BCO1: variants seen among roughly 807,000 people sequenced by gnomAD.
The protein encoded by BCO1 is beta-carotene oxygenase 1, also known as beta,beta-carotene 15,15'-dioxygenase.
In BCO1, 54 loss-of-function variants were observed where a neutral mutation model predicts 56.3. The observed-to-expected ratio is 0.96, with a 90% CI of 0.77 to 1.20. The LOEUF is 1.20. BCO1 is among the 50% of genes most tolerant of loss of function. The pLI is 0.00. For missense variants in BCO1, 801 were observed against 690.9 expected (o/e 1.16, Z -1.79); for synonymous variants, 318 against 266.1 (o/e 1.20, Z -1.90).
chr16:81,289,971 C>T (rs1908373152), intron 10 of BCO1, among the ~76,000 whole-genome samples: 2 of 152,214 alleles, frequency 1.3e-5, no homozygotes, highest in South Asian at 2.1e-4. Context: ...TCAAGTAATT[C>T]TCTGGCTTCA....
intron 3 of BCO1, among the ~76,000 whole-genome samples, chr16:81,260,827 C>T (rs748174914): frequency 6.6e-5 from 10 of 152,168 alleles, no homozygotes; most frequent in Admixed American, 2.0e-4. Context: ...CATTTTAAAT[C>T]ATCTGGATTA....
chr16:81,256,262 C>T (rs980823148), intron 2 of BCO1, among the ~76,000 whole-genome samples: 1 of 152,098 alleles, frequency 6.6e-6, no homozygotes, highest in Admixed American at 6.6e-5. Flanking sequence ...GCTGTTAGTA[C>T]TAGTTTCCTT....
rs57961725 is a variant in BCO1, at chr16:81,254,295, ATTTTTT to A, written c.194-5359_194-5354del. Among the ~76,000 whole-genome samples the A allele has an allele frequency of 1.2e-3, 95 of 78,282 alleles. 1 individual carries two copies. In the East Asian group the frequency reaches 0.018, roughly 15 times the overall value. 51.4% of individuals were successfully genotyped at this position (78,282 alleles called of 152,430 possible). On this transcript the variant is annotated intron_variant, in intron 2 of 10. Coordinates refer to ENST00000258168, the MANE Select transcript of BCO1 (RefSeq NM_017429.3). The stretch of plus-strand genomic sequence containing the variant: ...GGGTGCGTGCCACCACGCCCGGCTA[ATTTTTT>A]TTTTTTTTTTTTTTTTTTTTTGTAT...
rs1404084100 is a variant in BCO1, at chr16:81,264,751, A to C, written c.583A>C (p.Lys195Gln). The C allele has an allele frequency of 6.2e-7, 1 of 1,614,174 alleles. No homozygotes were observed. Among genetic ancestry groups the C allele is most frequent in the East Asian group, 2.2e-5 (1 of 44,882 alleles). The change falls in exon 5 of 11, where the codon AAG becomes CAG. Residue 195 changes from lysine to glutamine, a missense_variant. Transcript: ENST00000258168. ...GTSIVEKGKTKYVIFKIPATV... is the reference protein window; with the variant it reads ...GTSIVEKGKTQYVIFKIPATV... ...ATCCATTGTGGAAAAGGGGAAGACA[A>C]AGTATGTGATTTTTAAGATCCCTGC...
chr16:81,277,563 C>G (rs1907631914), intron 7 of BCO1, among the ~76,000 whole-genome samples: 1 of 152,142 alleles, frequency 6.6e-6, no homozygotes, highest in Non-Finnish European at 1.5e-5. Context: ...TTATGAATCA[C>G]CACCCCGATT....
Position 81,238,825 on chromosome 16 carries a change from G to A in BCO1, c.-84G>A, listed in dbSNP as rs1904975683. 7.6e-6 allele frequency: 9 copies of A among 1,181,630 alleles called. No individual in the cohort carries two copies. The highest frequency in any genetic ancestry group is 3.4e-5 in the Admixed American group (2 of 58,960). The allele number at this position is 1,181,630 out of a possible 1,614,324, so 73.2% of individuals were successfully genotyped here. A position where few individuals can be genotyped will look rare whatever the true frequency, so the allele number is the denominator to read the frequency against. ...AGGAGCAGGAGAGCAGGAAGGAAAC[G>A]CAGGAGGAGGGAGCAGCATCTCCTG... On this transcript the variant is annotated 5_prime_UTR_variant, in exon 1 of 11. Coordinates refer to ENST00000258168, the MANE Select transcript of BCO1 (RefSeq NM_017429.3).
In BCO1 at chr16:81,252,712, GTA is replaced by G. The variant is rs1905885006; in HGVS notation, c.194-6963_194-6962del. On this transcript the variant is annotated intron_variant, in intron 2 of 10. Coordinates refer to ENST00000258168, the MANE Select transcript of BCO1 (RefSeq NM_017429.3). ...GTGGGCCTCTGTCTCCATGTAGCATGTAGCTGAGGACCAGTGAGTATGTGTGG... is the reference window on the plus strand; with the variant it reads ...GTGGGCCTCTGTCTCCATGTAGCATGGCTGAGGACCAGTGAGTATGTGTGG... Among the ~76,000 whole-genome samples, 3 of 152,368 alleles carry G rather than the reference GTA, an allele frequency of 2.0e-5. No homozygotes were observed. In the East Asian group the frequency reaches 5.8e-4, roughly 29 times the overall value.
intron 2 of BCO1, among the ~76,000 whole-genome samples, chr16:81,254,624 G>C (rs1297520421): frequency 6.6e-6 from 1 of 151,992 alleles, no homozygotes; most frequent in Admixed American, 6.6e-5. Context: ...TGCACAGGTG[G>C]GAGTCATTGC....
At chr16:81,271,747 G>C (rs1035214226) in intron 7 of BCO1, among the ~76,000 whole-genome samples, 1 of 151,940 alleles carries the variant, frequency 6.6e-6, no homozygotes, top group Non-Finnish European at 1.5e-5. Context: ...GTTGTTGTTG[G>C]TTTTTGCTTG....
At chr16:81,287,497 A>G (rs1203695300) in intron 10 of BCO1, 91 bp downstream of exon 10, 7 of 951,820 alleles carry the variant, frequency 7.4e-6, no homozygotes, top group Non-Finnish European at 1.0e-5. Context: ...TGACCCCCCC[A>G]GGTCATAAAG....
At chr16:81,270,059 G>A (rs1597365727) in intron 6 of BCO1, 100 bp from the exon 7 acceptor site, 22 of 1,468,568 alleles carry the variant, frequency 1.5e-5, no homozygotes, top group East Asian at 4.5e-5. Context: ...ATAGTCCTGA[G>A]CCTAGCTCCT....
At chr16:81,282,851 G>A (rs144963534) in intron 8 of BCO1, among the ~76,000 whole-genome samples, 5 of 152,204 alleles carry the variant, frequency 3.3e-5, no homozygotes, top group African/African-American at 9.6e-5. Flanking sequence ...CCCTTCTGGC[G>A]AGTTCTCAGA....
chr16:81,273,639 C>CCTTT (rs112398140), intron 7 of BCO1, among the ~76,000 whole-genome samples: 10 of 146,360 alleles, frequency 6.8e-5, no homozygotes, highest in Middle Eastern at 3.5e-3. Flanking sequence ...TTTAAAAATC[C>CCTTT]TTTTTTTTTT....
intron 2 of BCO1, among the ~76,000 whole-genome samples, chr16:81,252,031 C>T (rs925156048): frequency 5.3e-5 from 8 of 152,022 alleles, no homozygotes; most frequent in African/African-American, 1.9e-4. Context: ...AAGCAGACTG[C>T]TGGGGAATGC....
chr16:81,255,255 A>G (rs1477989609), intron 2 of BCO1, among the ~76,000 whole-genome samples: 2 of 152,160 alleles, frequency 1.3e-5, no homozygotes, highest in African/African-American at 4.8e-5. Context: ...CTTGGTTAAG[A>G]GGGCCAGCTT....
At position 81,285,552 on chromosome 16, in the gene BCO1, C is replaced by T; in HGVS notation, c.1220C>T (p.Pro407Leu). 6.2e-7 allele frequency: 1 copy of T among 1,613,218 alleles called. No homozygotes were observed. The highest frequency in any genetic ancestry group is 8.5e-7 in the Non-Finnish European group (1 of 1,179,196). ...PEFLYEGLEL[P>L]RVNYAHNGKQ... ...CATTTCCTTGTAGGCTTAGAGCTTC[C>T]ACGGGTCAATTATGCTCACAATGGA... Residue 407 changes from proline to leucine, a missense_variant, in exon 9 of 11, where the codon CCA becomes CTA. Transcript: ENST00000258168.
Position 81,258,295 on chromosome 16 carries a change from A to G in BCO1, c.194-1381A>G, listed in dbSNP as rs139785252. Among the ~76,000 whole-genome samples, 412 of 152,328 alleles carry G rather than the reference A, an allele frequency of 2.7e-3. 5 individuals are homozygous for G. The highest frequency in any genetic ancestry group is 0.014 in the East Asian group (74 of 5,180). On this transcript the variant is annotated intron_variant, in intron 2 of 10. Coordinates refer to ENST00000258168, the MANE Select transcript of BCO1 (RefSeq NM_017429.3). ...ACACGGGTCTAGAACCATCTGGTATATTTTGAGGTTGGTCTCAATGGACTG... is the reference window on the plus strand; with the variant it reads ...ACACGGGTCTAGAACCATCTGGTATGTTTTGAGGTTGGTCTCAATGGACTG...
intron 2 of BCO1, among the ~76,000 whole-genome samples, chr16:81,259,395 G>A (rs903806310): frequency 6.6e-6 from 1 of 152,144 alleles, no homozygotes; most frequent in Non-Finnish European, 1.5e-5. Flanking sequence ...TCAGGAGGCT[G>A]AGTCAGGAGA....
At chr16:81,283,174 A>G (rs1422360335) in intron 8 of BCO1, among the ~76,000 whole-genome samples, 1 of 152,120 alleles carries the variant, frequency 6.6e-6, no homozygotes, top group African/African-American at 2.4e-5. Context: ...ATGTAACCTG[A>G]GTATTTTCCC....
Sources: gnomAD v4.1 joint callset for allele counts (sites outside exome capture counted in the v4.1 genomes callset) on GRCh38, gnomAD v4.1.1 for gene constraint, MANE v1.5 for transcripts, NCBI Gene and HGNC (gene_info 2026-07-23, HGNC 2026-07-21) for gene names.